LRRTM4: variants seen among roughly 807,000 people sequenced by gnomAD.
LRRTM4 encodes leucine rich repeat transmembrane neuronal 4.
A neutral mutation model predicts 47.6 loss-of-function variants in LRRTM4; 25 were observed. The observed-to-expected ratio is 0.53, with a 90% CI of 0.38 to 0.73. The LOEUF (loss-of-function observed/expected upper bound fraction) is 0.73, where lower values mean the gene tolerates loss of function less well. Ranked by LOEUF, LRRTM4 falls within the 30% of genes least tolerant of loss-of-function variation. LRRTM4 has a pLI of 0.00. For missense variants in LRRTM4, 638 were observed against 713.4 expected, an observed-to-expected ratio of 0.89 and a Z score of 1.20; for synonymous variants, 311 against 269.5, an observed-to-expected ratio of 1.15 and a Z score of -1.51.
chr2:77,229,179 A>G (rs1674897320), intron 3 of LRRTM4, among the ~76,000 whole-genome samples: 1 of 151,968 alleles, frequency 6.6e-6, no homozygotes, highest in Non-Finnish European at 1.5e-5. Context: ...GCTTAATGAT[A>G]CTTGCATTCA....
intron 3 of LRRTM4, among the ~76,000 whole-genome samples, chr2:77,406,868 T>C (rs1163186229): frequency 6.6e-6 from 1 of 152,040 alleles, no homozygotes; most frequent in Non-Finnish European, 1.5e-5. Context: ...CTTAAACAAA[T>C]ATGACCACAA....
intron 3 of LRRTM4, chr2:77,009,288 T>C (rs925854923): frequency 6.6e-6 from 1 of 152,134 alleles, no homozygotes; most frequent in Non-Finnish European, 1.5e-5. Context: ...AGAAATACTA[T>C]TTTCCTCTGA....
intron 3 of LRRTM4, among the ~76,000 whole-genome samples, chr2:77,083,822 T>TTTC (rs1558569872): frequency 6.7e-5 from 8 of 119,876 alleles, no homozygotes; most frequent in African/African-American, 2.5e-4. Flanking sequence ...TTTTTTTTTT[T>TTTC]CAGACGGAGT....
At chr2:76,907,226 C>A (rs1209065433) in intron 3 of LRRTM4, among the ~76,000 whole-genome samples, 1 of 151,966 alleles carries the variant, frequency 6.6e-6, no homozygotes, top group South Asian at 2.1e-4. Context: ...AACTGTACAA[C>A]CTGCTCCTGA....
chr2:77,509,926 TG>T (rs1228834230), intron 3 of LRRTM4, among the ~76,000 whole-genome samples: 1 of 152,202 alleles, frequency 6.6e-6, no homozygotes, highest in Non-Finnish European at 1.5e-5. Context: ...GTCCATGTTG[TG>T]GTTTGACCAT....
chr2:76,799,478 A>G (rs1260915655), intron 3 of LRRTM4, among the ~76,000 whole-genome samples: 2 of 141,826 alleles, frequency 1.4e-5, no homozygotes, highest in African/African-American at 5.2e-5. Context: ...ATCTATGACA[A>G]ACCCACAGCT....
intron 3 of LRRTM4, among the ~76,000 whole-genome samples, chr2:77,481,444 G>A (rs989029552): frequency 6.6e-6 from 1 of 152,136 alleles, no homozygotes; most frequent in African/African-American, 2.4e-5. Flanking sequence ...ACTGCAGAAT[G>A]AACAGATTAG....
chr2:76,750,519 G>A (rs558709699), intron 3 of LRRTM4, among the ~76,000 whole-genome samples: 2 of 152,210 alleles, frequency 1.3e-5, no homozygotes, highest in East Asian at 1.9e-4. Context: ...CTGATATTTT[G>A]TCAGTCTCCC....
At chr2:76,798,837 A>G (rs1285189782) in intron 3 of LRRTM4, among the ~76,000 whole-genome samples, 1 of 152,188 alleles carries the variant, frequency 6.6e-6, no homozygotes, top group African/African-American at 2.4e-5. Context: ...ACGCAAATAA[A>G]CTAGAAAATC....
At chr2:76,892,867 T>G (rs1056785536) in intron 3 of LRRTM4, among the ~76,000 whole-genome samples, 1 of 151,644 alleles carries the variant, frequency 6.6e-6, no homozygotes. Context: ...TTGGGAAATA[T>G]TGACTCAGAT....
rs1340798872 is a variant in LRRTM4, at chr2:77,519,394, G to T, written c.475C>A (p.Leu159Ile). The T allele has an allele frequency of 1.2e-6, 2 of 1,613,454 alleles. No homozygotes were observed. The highest frequency in any genetic ancestry group is 1.7e-6 in the Non-Finnish European group (2 of 1,179,634). Residue 159 changes from leucine to isoleucine, a missense_variant, in exon 3 of 4, where the codon CTC becomes ATC. Transcript: ENST00000409884. This position sits in a 1 kb window ranked among gnomAD's most constrained non-coding sequence, Gnocchi z 4.6. Reference protein sequence around the residue: ...QSEQFKGLRKLIILHLRSNSL... With the variant: ...QSEQFKGLRKIIILHLRSNSL... ...TTAGATCTCAAGTGCAAAATGATGA[G>T]TTTCCGAAGGCCTTTAAATTGTTCA...
At position 77,463,997 on chromosome 2, in the gene LRRTM4, T is replaced by C. The variant is rs1290067192; in HGVS notation, c.1551+54321A>G. Among the ~76,000 whole-genome samples the C allele has an allele frequency of 2.0e-5, 3 of 152,210 alleles. No individual in the cohort carries two copies. The East Asian group carries it at 5.8e-4, about 29-fold the overall frequency. On this transcript the variant is annotated intron_variant, in intron 3 of 3. Coordinates refer to ENST00000409884, the MANE Select transcript of LRRTM4 (RefSeq NM_001134745.3). ...AAAGTTATACAATAAATACTACAGGTACATGGTGAATGATTCTTAGAGAAG... is the reference window on the plus strand; with the variant it reads ...AAAGTTATACAATAAATACTACAGGCACATGGTGAATGATTCTTAGAGAAG...
At chr2:77,030,228 C>T (rs1678605485) in intron 3 of LRRTM4, among the ~76,000 whole-genome samples, 2 of 152,004 alleles carry the variant, frequency 1.3e-5, no homozygotes, top group African/African-American at 2.4e-5. Flanking sequence ...GTCAGGAGAT[C>T]GAGACCATCC....
At chr2:77,299,209 A>G (rs562716362) in intron 3 of LRRTM4, among the ~76,000 whole-genome samples, 1 of 151,804 alleles carries the variant, frequency 6.6e-6, no homozygotes, top group African/African-American at 2.4e-5. Context: ...GAAGAGAAAT[A>G]CTAGGTAGTT....
intron 3 of LRRTM4, among the ~76,000 whole-genome samples, chr2:77,361,445 T>A (rs1056386924): frequency 6.6e-6 from 1 of 152,190 alleles, no homozygotes; most frequent in Non-Finnish European, 1.5e-5. Flanking sequence ...ATTCGCTTCA[T>A]CCTTTTTCCT....
chr2:77,208,349 T>C (rs1674199543), intron 3 of LRRTM4, among the ~76,000 whole-genome samples: 1 of 152,180 alleles, frequency 6.6e-6, no homozygotes, highest in South Asian at 2.1e-4. Context: ...GCCTCCTTTA[T>C]AAAATGAAGT....
chr2:76,868,215 A>T (rs1431403082), intron 3 of LRRTM4, among the ~76,000 whole-genome samples: 1 of 152,224 alleles, frequency 6.6e-6, no homozygotes, highest in African/African-American at 2.4e-5. Flanking sequence ...TCCATCCAAA[A>T]ATCTCAAAAC....
intron 3 of LRRTM4, among the ~76,000 whole-genome samples, chr2:77,252,279 G>T (rs1347006564): frequency 6.6e-6 from 1 of 152,126 alleles, no homozygotes; most frequent in African/African-American, 2.4e-5. Context: ...ACAGTATAGG[G>T]ATCCTGCATT....
At chr2:77,511,954 T>A (rs940987433) in intron 3 of LRRTM4, among the ~76,000 whole-genome samples, 1 of 152,116 alleles carries the variant, frequency 6.6e-6, no homozygotes, top group African/African-American at 2.4e-5. Context: ...TATATTTTTA[T>A]TTGTATGTTT....
Sources: gnomAD v4.1 joint callset for allele counts (sites outside exome capture counted in the v4.1 genomes callset) on GRCh38, gnomAD v4.1.1 for gene constraint, Gnocchi (gnomAD v3.1) non-coding constraint, MANE v1.5 for transcripts, NCBI Gene and HGNC (gene_info 2026-07-23, HGNC 2026-07-21) for gene names.